The following ANKRD13B variants were observed in gnomAD, a reference collection of about 807,000 sequenced individuals.
ANKRD13B encodes the protein ankyrin repeat domain-containing protein 13B.
Under a neutral mutation model 74.4 loss-of-function variants are expected in ANKRD13B, and 33 were observed. The ratio of observed to expected loss-of-function variants is 0.44; its 90% CI spans 0.34 to 0.59. The LOEUF is 0.59. ANKRD13B is among the 20% of genes least tolerant of loss of function. ANKRD13B has a pLI of 0.02. For missense variants in ANKRD13B, 676 were observed against 877.9 expected, an observed-to-expected ratio of 0.77 and a Z score of 2.91; for synonymous variants, 341 against 362.9, an observed-to-expected ratio of 0.94 and a Z score of 0.68.
rs202213583 is a variant in ANKRD13B at position 29,612,356 on chromosome 17, G to A, written c.1259-46G>A. The stretch of plus-strand genomic sequence containing the variant: ...AGGTCGGGGTGGGGCTGAGGCTGAG[G>A]TGTGAGGGGCTGAGTGGTGGCGCCT... On this transcript the variant is annotated intron_variant, in intron 11 of 14. Coordinates refer to ENST00000394859, the MANE Select transcript of ANKRD13B (RefSeq NM_152345.5). This position sits in a 1 kb window ranked among gnomAD's most constrained non-coding sequence, Gnocchi z 6.1. The A allele has an allele frequency of 6.2e-6, 10 of 1,611,646 alleles. No individual in the cohort carries two copies. The highest frequency in any genetic ancestry group is 8.5e-6 in the Non-Finnish European group (10 of 1,178,172).
intron 8 of ANKRD13B, 97 bp downstream of exon 8, chr17:29,610,863 C>T (rs1031626078): frequency 8.1e-7 from 1 of 1,228,596 alleles, no homozygotes. Context: ...GGCATCCTAG[C>T]AAGAGGCTGG....
intron 1 of ANKRD13B, among the ~76,000 whole-genome samples, chr17:29,604,658 C>A (rs972106040): frequency 6.6e-6 from 1 of 151,726 alleles, no homozygotes; most frequent in Non-Finnish European, 1.5e-5. Flanking sequence ...TCTTGTGCCT[C>A]AGCCTCCTGA....
At chr17:29,601,224 C>CTT (rs534601119) in intron 1 of ANKRD13B, among the ~76,000 whole-genome samples, 11 of 122,254 alleles carry the variant, frequency 9.0e-5, no homozygotes, top group South Asian at 8.1e-4. Flanking sequence ...GCCTGACATT[C>CTT]TTTTTTTTTT....
At chr17:29,605,134 A>C (rs964463240) in intron 1 of ANKRD13B, among the ~76,000 whole-genome samples, 2 of 151,534 alleles carry the variant, frequency 1.3e-5, no homozygotes, top group Admixed American at 6.6e-5. Flanking sequence ...TGAGTAGTTT[A>C]CTCTTTTCCA....
intron 1 of ANKRD13B, among the ~76,000 whole-genome samples, chr17:29,606,759 A>AAAT (rs2034397207): frequency 8.6e-6 from 1 of 115,776 alleles, no homozygotes; most frequent in African/African-American, 3.3e-5. Context: ...AAAAAAAAAA[A>AAAT]ATCTTTTGTC....
chr17:29,612,057 T>A lies in ANKRD13B; in HGVS notation c.1100+51T>A. 6.2e-7 allele frequency: 1 copy of A among 1,607,964 alleles called. No individual in the cohort carries two copies. Among genetic ancestry groups the A allele is most frequent in the Non-Finnish European group, 8.5e-7 (1 of 1,176,194 alleles). Reference sequence around the variant, plus strand: ...GGTGGGGGGCCGGGGCTCCAGGAGATGCTGGGAGGCCATGGCTTCCTGCAG... The same window carrying A: ...GGTGGGGGGCCGGGGCTCCAGGAGAAGCTGGGAGGCCATGGCTTCCTGCAG... On this transcript the variant is annotated intron_variant, in intron 10 of 14. Transcript: ENST00000394859. This position sits in a 1 kb window ranked among gnomAD's most constrained non-coding sequence, Gnocchi z 6.1.
rs2034697414 is a variant in ANKRD13B, at chr17:29,613,710, A to G, written c.*128A>G. 1.1e-5 allele frequency: 15 copies of G among 1,345,026 alleles called. No homozygotes were observed. The highest frequency in any genetic ancestry group is 1.5e-5 in the African/African-American group (1 of 64,532). 83.3% of individuals were successfully genotyped at this position (1,345,026 alleles called of 1,614,324 possible). A position where few individuals can be genotyped will look rare whatever the true frequency, so the allele number is the denominator to read the frequency against. On this transcript the variant is annotated 3_prime_UTR_variant, in exon 15 of 15. Transcript: ENST00000394859. ...GGAGCCACCGCCTCGCGGGTGCAGC[A>G]GCACAGCAGGCACGGTTCGGGGAGG...
Position 29,613,767 on chromosome 17 carries a change from G to T in ANKRD13B, c.*185G>T. ...GCATGGCCGCGGGGTACCTTCCCAG[G>T]CCAGGGCCCTGGAGGCAACTGGCAC... On this transcript the variant is annotated 3_prime_UTR_variant, in exon 15 of 15. Coordinates refer to ENST00000394859, the MANE Select transcript of ANKRD13B (RefSeq NM_152345.5). The T allele has an allele frequency of 3.0e-6, 3 of 1,005,918 alleles. No individual in the cohort carries two copies. Among genetic ancestry groups the T allele is most frequent in the Non-Finnish European group, 4.1e-6 (3 of 738,726 alleles). 62.3% of individuals were successfully genotyped at this position (1,005,918 alleles called of 1,614,324 possible). A position where few individuals can be genotyped will look rare whatever the true frequency, so the allele number is the denominator to read the frequency against.
At chr17:29,600,462 G>C (rs1361388437) in intron 1 of ANKRD13B, among the ~76,000 whole-genome samples, 3 of 152,192 alleles carry the variant, frequency 2.0e-5, no homozygotes, top group Non-Finnish European at 4.4e-5. Flanking sequence ...GAAGGGGCTG[G>C]GGTTTCACGG....
At chr17:29,595,068 C>T (rs887388773) in intron 1 of ANKRD13B, among the ~76,000 whole-genome samples, 12 of 152,206 alleles carry the variant, frequency 7.9e-5, no homozygotes, top group Non-Finnish European at 1.6e-4. Flanking sequence ...CAGCACTCTC[C>T]GAGTTTCTCC....
At chr17:29,604,888 T>C (rs1188601130) in intron 1 of ANKRD13B, among the ~76,000 whole-genome samples, 1 of 152,216 alleles carries the variant, frequency 6.6e-6, no homozygotes, top group Non-Finnish European at 1.5e-5. Context: ...GTGAGCCTTT[T>C]CTCTAGGGAT....
chr17:29,593,695 A>C lies in ANKRD13B; in HGVS notation c.74A>C (p.Asn25Thr). Reference sequence around the variant, plus strand: ...CCGCTGCACTACCTCGTGTGGCACAACCGCCACCGCGAGCTGGAGAAGGAG... The same window carrying C: ...CCGCTGCACTACCTCGTGTGGCACACCCGCCACCGCGAGCTGGAGAAGGAG... Reference protein sequence around the residue: ...KYPLHYLVWHNRHRELEKEVR... With the variant: ...KYPLHYLVWHTRHRELEKEVR... The change falls in exon 1 of 15, where the codon AAC (asparagine) becomes ACC (threonine). Residue 25 changes from asparagine (N) to threonine (T), a missense_variant. Asn to Thr is a moderately conservative substitution (Grantham distance 65). Coordinates refer to ENST00000394859, the MANE Select transcript of ANKRD13B (RefSeq NM_152345.5). The C allele has an allele frequency of 6.9e-7, 1 of 1,439,480 alleles. No individual in the cohort carries two copies. The allele number at this position is 1,439,480 out of a possible 1,614,324, so 89.2% of individuals were successfully genotyped here.
In ANKRD13B at chr17:29,613,354, G is replaced by C. The variant is rs1052601604; in HGVS notation, c.1653G>C (p.Arg551Ser). Residue 551 changes from arginine to serine, a missense_variant and splice_region_variant, in exon 15 of 15, where the codon AGG (arginine) becomes AGC (serine). Physicochemically the swap from Arg to Ser is moderately radical, Grantham distance 110. Transcript: ENST00000394859. ...CGCGACATTCCTTCCCCACCCCCAG[G>C]AGCGCCCCGCCCACGCCGCAGCGCC... Reference protein sequence around the residue: ...PMSYEGRRQDRSAPPTPQRQP... With the variant: ...PMSYEGRRQDSSAPPTPQRQP... 2.8e-6 allele frequency: 4 copies of C among 1,453,616 alleles called. No individual in the cohort carries two copies. The African/African-American group carries it at 6.0e-5, about 22-fold the overall frequency. 90.0% of individuals were successfully genotyped at this position (1,453,616 alleles called of 1,614,324 possible).
chr17:29,600,547 A>T (rs1007784379), intron 1 of ANKRD13B, among the ~76,000 whole-genome samples: 1 of 152,110 alleles, frequency 6.6e-6, no homozygotes, highest in African/African-American at 2.4e-5. Flanking sequence ...CTCATGCCCA[A>T]TTTCTACAAA....
chr17:29,601,252 C>T (rs1381496969), intron 1 of ANKRD13B, among the ~76,000 whole-genome samples: 1 of 142,532 alleles, frequency 7.0e-6, no homozygotes, highest in Non-Finnish European at 1.5e-5. Flanking sequence ...GACAGAGTCT[C>T]TCTCTGTCAC....
rs2033827651 is a variant in ANKRD13B, at chr17:29,593,201, G to A, written c.-421G>A. On this transcript the variant is annotated 5_prime_UTR_variant, in exon 1 of 15. Coordinates refer to ENST00000394859, the MANE Select transcript of ANKRD13B (RefSeq NM_152345.5). The stretch of plus-strand genomic sequence containing the variant: ...CTCGGGCTGAGGGCCGGGCTATGCA[G>A]CTGTGGGGACCCGGGGGCTGCGGGC... Among the ~76,000 whole-genome samples the A allele has an allele frequency of 6.6e-6, 1 of 151,274 alleles. No individual in the cohort carries two copies. Among genetic ancestry groups the A allele is most frequent in the Non-Finnish European group, 1.5e-5 (1 of 67,702 alleles).
rs2034563115 is a variant in ANKRD13B at position 29,611,020 on chromosome 17, A to G, written c.904+254A>G. Among the ~76,000 whole-genome samples, 1 of 152,168 alleles carries G rather than the reference A, an allele frequency of 6.6e-6. No homozygotes were observed. The highest frequency in any genetic ancestry group is 6.5e-5 in the Admixed American group (1 of 15,288). Reference sequence around the variant, plus strand: ...AAGTGATTACTAATGTTGCTGTTGAATTTGGGAGAGGAGAGAAATGCCATG... The same window carrying G: ...AAGTGATTACTAATGTTGCTGTTGAGTTTGGGAGAGGAGAGAAATGCCATG... On this transcript the variant is annotated intron_variant, in intron 8 of 14. Coordinates refer to ENST00000394859, the MANE Select transcript of ANKRD13B (RefSeq NM_152345.5). This position sits in a 1 kb window ranked among gnomAD's most constrained non-coding sequence, Gnocchi z 4.3.
In ANKRD13B at chr17:29,612,649, C is replaced by T; in HGVS notation, c.1412-3C>T. ...GTGCCTGACCCAGCCCCCGCGCCCCCAGCCTCCTGCCGCGGCTGCGAGATC... is the reference window on the plus strand; with the variant it reads ...GTGCCTGACCCAGCCCCCGCGCCCCTAGCCTCCTGCCGCGGCTGCGAGATC... On this transcript the variant is annotated splice_region_variant and splice_polypyrimidine_tract_variant and intron_variant, in intron 12 of 14. Transcript: ENST00000394859. The surrounding 1 kb of genome is among the most constrained non-coding windows in gnomAD (Gnocchi z 6.1). 6.5e-7 allele frequency: 1 copy of T among 1,541,380 alleles called. No homozygotes were observed. Among genetic ancestry groups the T allele is most frequent in the East Asian group, 2.4e-5 (1 of 42,402 alleles).
Position 29,612,635 on chromosome 17 carries a change from A to AGCCCCC in ANKRD13B, c.1412-14_1412-9dup. On this transcript the variant is annotated splice_polypyrimidine_tract_variant and intron_variant, in intron 12 of 14. Coordinates refer to ENST00000394859, the MANE Select transcript of ANKRD13B (RefSeq NM_152345.5). This position sits in a 1 kb window ranked among gnomAD's most constrained non-coding sequence, Gnocchi z 6.1. Reference sequence around the variant, plus strand: ...GGGCGCGCCCGGCCGTGCCTGACCCAGCCCCCGCGCCCCCAGCCTCCTGCC... The same window carrying AGCCCCC: ...GGGCGCGCCCGGCCGTGCCTGACCCAGCCCCCGCCCCCGCGCCCCCAGCCTCCTGCC... 3 of 1,529,010 alleles carry AGCCCCC rather than the reference A, an allele frequency of 2.0e-6. No individual in the cohort carries two copies. Among genetic ancestry groups the AGCCCCC allele is most frequent in the Non-Finnish European group, 1.8e-6 (2 of 1,142,402 alleles). The allele number at this position is 1,529,010 out of a possible 1,614,324, so 94.7% of individuals were successfully genotyped here. A position where few individuals can be genotyped will look rare whatever the true frequency, so the allele number is the denominator to read the frequency against.
Sources: allele counts gnomAD v4.1 joint callset (sites outside exome capture counted in the v4.1 genomes callset), GRCh38; gene constraint gnomAD v4.1.1; non-coding constraint Gnocchi (gnomAD v3.1); transcripts MANE v1.5; gene names NCBI Gene and HGNC (gene_info 2026-07-23, HGNC 2026-07-21).